The following ANK2 variants were observed in gnomAD, a reference collection of about 807,000 sequenced individuals.
ANK2 encodes ankyrin-2.
In ANK2, 83 loss-of-function variants were observed where a neutral mutation model predicts 360.5. The observed-to-expected ratio is 0.23, with a 90% CI of 0.19 to 0.28. The LOEUF is 0.28. ANK2 is among the 10% of genes least tolerant of loss of function. ANK2 has a pLI of 1.00. For missense variants in ANK2, 4,201 were observed against 4,795.7 expected (o/e 0.88, Z 3.66); for synonymous variants, 1,740 against 1,759.5 (o/e 0.99, Z 0.28).
chr4:113,029,571 C>T (rs897276105), intron 2 of ANK2, among the ~76,000 whole-genome samples: 2 of 151,984 alleles, frequency 1.3e-5, no homozygotes, highest in Non-Finnish European at 2.9e-5. Context: ...TGAACGTGGC[C>T]GGAGTTCTTC....
intron 1 of ANK2, among the ~76,000 whole-genome samples, chr4:112,848,215 C>A (rs2063776568): frequency 6.6e-6 from 1 of 152,108 alleles, no homozygotes; most frequent in South Asian, 2.1e-4. Context: ...ACCTCCACCT[C>A]CTGGGTTCAA....
chr4:113,099,570 T>C (rs190976490), intron 1 of ANK2, among the ~76,000 whole-genome samples: 1 of 152,152 alleles, frequency 6.6e-6, no homozygotes, highest in African/African-American at 2.4e-5. Flanking sequence ...ACTTGATCTA[T>C]AGACTCAATA....
the ANK2 span, chr4:112,738,927 G>A: frequency 2.8e-6 from 2 of 705,638 alleles, no homozygotes; most frequent in Admixed American, 1.8e-5. Flanking sequence ...AGTGGCTTCC[G>A]CAAGTTCCTG....
intron 2 of ANK2, among the ~76,000 whole-genome samples, chr4:113,007,014 C>T (rs191373039): frequency 1.4e-4 from 21 of 152,292 alleles, no homozygotes; most frequent in Admixed American, 5.2e-4. Flanking sequence ...AAAAAGCTAA[C>T]ATTTTATTTA....
chr4:113,043,917 T>C (rs945857819), intron 2 of ANK2, among the ~76,000 whole-genome samples: 6 of 152,158 alleles, frequency 3.9e-5, no homozygotes, highest in African/African-American at 1.4e-4. Flanking sequence ...TCCTTTTTGC[T>C]ACCCACCCCT....
chr4:113,106,011 G>T (rs17682069), intron 1 of ANK2, among the ~76,000 whole-genome samples: 29,533 of 152,052 alleles, frequency 0.19, 2,943 homozygotes, highest in Non-Finnish European at 0.22. Flanking sequence ...CTAGCTTTCT[G>T]TCAATTCCTA....
At chr4:112,913,549 A>C (rs2088532499) in intron 2 of ANK2, among the ~76,000 whole-genome samples, 1 of 152,198 alleles carries the variant, frequency 6.6e-6, no homozygotes, top group African/African-American at 2.4e-5. Flanking sequence ...GAAACTATAC[A>C]TTTTTGGATT....
intron 1 of ANK2, among the ~76,000 whole-genome samples, chr4:113,166,408 C>T (rs1454935237): frequency 6.6e-6 from 1 of 151,474 alleles, no homozygotes; most frequent in Non-Finnish European, 1.5e-5. Flanking sequence ...CAAAAATGAG[C>T]GTATATTTAC....
Position 113,355,973 on chromosome 4 carries a change from C to T in ANK2, c.7355C>T (p.Pro2452Leu). 6.2e-7 allele frequency: 1 copy of T among 1,614,132 alleles called. No homozygotes were observed. Among genetic ancestry groups the T allele is most frequent in the Non-Finnish European group, 8.5e-7 (1 of 1,179,988 alleles). ...VLEDNSSHKT[P>L]DSLEPSPLKE... ...GAAGATAACTCTTCACACAAAACCC[C>T]TGATTCTCTGGAGCCAAGTCCTCTG... The change falls in exon 38 of 46, where the codon CCT becomes CTT. Residue 2452 changes from proline to leucine, a missense_variant. Physicochemically the swap from Pro to Leu is moderately conservative, Grantham distance 98. Coordinates refer to ENST00000357077, the MANE Select transcript of ANK2 (RefSeq NM_001148.6).
chr4:113,148,600 A>G (rs1025567741), intron 1 of ANK2, among the ~76,000 whole-genome samples: 18 of 152,332 alleles, frequency 1.2e-4, no homozygotes, highest in African/African-American at 3.8e-4. Context: ...TGAAAACAAT[A>G]CTTTTCTGCT....
chr4:113,252,458 C>G (rs1168240844), intron 10 of ANK2, among the ~76,000 whole-genome samples: 1 of 152,210 alleles, frequency 6.6e-6, no homozygotes, highest in African/African-American at 2.4e-5. Flanking sequence ...TTCTAGCTCT[C>G]AGCAAACTGT....
Position 113,258,410 on chromosome 4 carries a change from T to C in ANK2, c.1385T>C (p.Ile462Thr). ...GGAGCCTCTCCAGATGTCACTAACA[T>C]TGTGAGTATGGCTTGGGTCAGAATA... is the stretch of plus-strand genomic sequence containing the variant. ...QNGASPDVTN[I>T]RGETALHMAA... Residue 462 changes from isoleucine to threonine, a missense_variant and splice_region_variant, in exon 13 of 46, where the codon ATT becomes ACT. By Grantham distance (89) the Ile-to-Thr change is moderately conservative. Around this residue, in one of 4 missense-constraint regions of ANK2, gnomAD observed 1,268 missense variants for 1,650.8 expected, o/e 0.77. Transcript: ENST00000357077. The C allele has an allele frequency of 6.2e-7, 1 of 1,612,792 alleles. No homozygotes were observed. The highest frequency in any genetic ancestry group is 1.1e-5 in the South Asian group (1 of 91,042).
At chr4:112,929,852 C>G (rs998651800) in intron 2 of ANK2, among the ~76,000 whole-genome samples, 4 of 152,186 alleles carry the variant, frequency 2.6e-5, no homozygotes, top group African/African-American at 7.2e-5. Context: ...GTGACTTGTT[C>G]TGTCTTCTTC....
intron 2 of ANK2, among the ~76,000 whole-genome samples, chr4:112,909,014 A>G (rs1219494300): frequency 6.6e-6 from 1 of 152,228 alleles, no homozygotes; most frequent in Non-Finnish European, 1.5e-5. Context: ...TCAAGTTTTT[A>G]AAAGTTATTT....
At chr4:113,136,471 C>T (rs1361255152) in intron 1 of ANK2, among the ~76,000 whole-genome samples, 3 of 152,094 alleles carry the variant, frequency 2.0e-5, no homozygotes, top group Non-Finnish European at 4.4e-5. Context: ...TGCTTGAGTC[C>T]AGGAGTTTGA....
chr4:113,349,040 TG>T (rs2095202942), intron 36 of ANK2, among the ~76,000 whole-genome samples: 1 of 152,124 alleles, frequency 6.6e-6, no homozygotes, highest in African/African-American at 2.4e-5. Context: ...TCTTATAAAG[TG>T]GGATCTTTAC....
intron 2 of ANK2, among the ~76,000 whole-genome samples, chr4:112,993,693 A>T (rs1469316536): frequency 7.4e-6 from 1 of 135,162 alleles, no homozygotes; most frequent in Non-Finnish European, 1.6e-5. Context: ...CATAAAGCTT[A>T]CATTCTATTG....
intron 4 of ANK2, among the ~76,000 whole-genome samples, chr4:113,215,661 A>G (rs1225549342): frequency 6.6e-6 from 1 of 152,172 alleles, no homozygotes; most frequent in Non-Finnish European, 1.5e-5. Flanking sequence ...AGCATTTGCT[A>G]CAAACAGCCA....
chr4:112,739,168 C>A, the ANK2 span: 14 of 361,582 alleles, frequency 3.9e-5, no homozygotes, highest in Non-Finnish European at 5.3e-5. Flanking sequence ...AACACAAAAA[C>A]AAACAAAAAA....
Sources: allele counts gnomAD v4.1 joint callset (sites outside exome capture counted in the v4.1 genomes callset), GRCh38; gene constraint gnomAD v4.1.1; regional missense constraint gnomAD v4.1.1; transcripts MANE v1.5; gene names NCBI Gene and HGNC (gene_info 2026-07-23, HGNC 2026-07-21).